CKAP5: variants seen among roughly 807,000 people sequenced by gnomAD.
CKAP5 encodes cytoskeleton associated protein 5.
CKAP5 carries 27 observed loss-of-function variants against 232.8 expected under a neutral mutation model. The ratio of observed to expected loss-of-function variants is 0.12; its 90% CI spans 0.09 to 0.16. CKAP5 has a LOEUF of 0.16. Ranked by LOEUF, CKAP5 falls within the 10% of genes least tolerant of loss-of-function variation. The pLI, the probability that CKAP5 is intolerant of heterozygous loss-of-function variation, is 1.00. For synonymous variants in CKAP5, 785 were observed against 841.1 expected (o/e 0.93, Z 1.16); for missense variants, 1,838 against 2,424.7 (o/e 0.76, Z 5.08).
At position 46,743,339 on chromosome 11, in the gene CKAP5, A is replaced by T. The variant is rs2064998741; in HGVS notation, c.*684T>A. ...GGATGAGATTTTTCTGCTCCCTAGG[A>T]GCTGTTTGTGGAGAGCAGGGAAGGA... is the stretch of plus-strand genomic sequence containing the variant. On this transcript the variant is annotated 3_prime_UTR_variant, in exon 44 of 44. Coordinates refer to ENST00000529230, the MANE Select transcript of CKAP5 (RefSeq NM_001008938.4). The T allele has an allele frequency of 6.6e-6, 1 of 152,162 alleles. No homozygotes were observed. Among genetic ancestry groups the T allele is most frequent in the African/African-American group, 2.4e-5 (1 of 41,428 alleles). 9.4% of individuals were successfully genotyped at this position (152,162 alleles called of 1,614,324 possible). A position where few individuals can be genotyped will look rare whatever the true frequency, so the allele number is the denominator to read the frequency against.
At chr11:46,836,676 G>C (rs1939925488) in intron 1 of CKAP5, among the ~76,000 whole-genome samples, 1 of 152,210 alleles carries the variant, frequency 6.6e-6, no homozygotes, top group Non-Finnish European at 1.5e-5. Context: ...TTGCTAATAG[G>C]AATGCAAAAT....
chr11:46,751,986 A>G (rs1486197501), intron 38 of CKAP5, among the ~76,000 whole-genome samples: 2 of 151,820 alleles, frequency 1.3e-5, no homozygotes, highest in Non-Finnish European at 2.9e-5. Context: ...AGGGCTGTAG[A>G]TATCTTTTTC....
At chr11:46,837,418 G>A (rs145174963) in intron 1 of CKAP5, among the ~76,000 whole-genome samples, 1 of 152,208 alleles carries the variant, frequency 6.6e-6, no homozygotes, top group African/African-American at 2.4e-5. Context: ...TTATAGATAT[G>A]TCTATATACA....
At chr11:46,744,398 G>C (rs1450219147) in intron 43 of CKAP5, 28 bp downstream of exon 43, 1 of 1,614,102 alleles carries the variant, frequency 6.2e-7, no homozygotes, top group Admixed American at 1.7e-5. Flanking sequence ...TACCCTCCCT[G>C]AACTGCACAG....
At chr11:46,759,898 T>C (rs2065141205) in intron 33 of CKAP5, among the ~76,000 whole-genome samples, 1 of 152,218 alleles carries the variant, frequency 6.6e-6, no homozygotes, top group Non-Finnish European at 1.5e-5. Context: ...CAGCACATTT[T>C]ATATTTTGTG....
At chr11:46,770,655 C>CT in intron 25 of CKAP5, 133 bp downstream of exon 25, 7 of 781,936 alleles carry the variant, frequency 9.0e-6, no homozygotes, top group Non-Finnish European at 1.4e-5. Flanking sequence ...TCTTGAACTC[C>CT]TGACCTCAGG....
At chr11:46,839,485 A>AT (rs1202006239) in intron 1 of CKAP5, among the ~76,000 whole-genome samples, 1 of 152,212 alleles carries the variant, frequency 6.6e-6, no homozygotes, top group Non-Finnish European at 1.5e-5. Flanking sequence ...TAAGAACTCA[A>AT]TTTTTATGCG....
chr11:46,838,869 A>T (rs543867438), intron 1 of CKAP5, among the ~76,000 whole-genome samples: 66 of 151,520 alleles, frequency 4.4e-4, no homozygotes, highest in African/African-American at 1.2e-3. Context: ...AAAATAAAAA[A>T]AAATAAATAA....
rs1432339470 is a variant in CKAP5 at position 46,760,799 on chromosome 11, A to G, written c.4222-15T>C. On this transcript the variant is annotated splice_polypyrimidine_tract_variant and intron_variant, in intron 32 of 43. Transcript: ENST00000529230. ...TTTTCAGAAAGCTGTAAAGAGGCCAAATTTAGAAACCTAACTGGATAACAC... is the reference window on the plus strand; with the variant it reads ...TTTTCAGAAAGCTGTAAAGAGGCCAGATTTAGAAACCTAACTGGATAACAC... 6.2e-7 allele frequency: 1 copy of G among 1,609,246 alleles called. No individual in the cohort carries two copies. Among genetic ancestry groups the G allele is most frequent in the Non-Finnish European group, 8.5e-7 (1 of 1,177,880 alleles).
chr11:46,794,081 AC>A (rs1165522191), intron 13 of CKAP5, among the ~76,000 whole-genome samples: 2 of 152,236 alleles, frequency 1.3e-5, no homozygotes, highest in African/African-American at 4.8e-5. Flanking sequence ...GAAGTTGGAC[AC>A]CGTATATAAA....
Position 46,776,348 on chromosome 11 carries a change from A to G in CKAP5, c.2898T>C (p.Asn966=). ...TCATGCCAGTCTGTTCTGCCCAAGC[A>G]TTCACAGTCGCTAGGGCAGCAGCTC... is the stretch of plus-strand genomic sequence containing the variant. ...NVRAAALATV[N]AWAEQTGMKE... is the part of the protein sequence containing the mutation. Residue 966 remains asparagine, a synonymous_variant, in exon 24 of 44, where the codon AAT becomes AAC. Transcript: ENST00000529230. 6.2e-7 allele frequency: 1 copy of G among 1,613,528 alleles called. No homozygotes were observed. The highest frequency in any genetic ancestry group is 8.5e-7 in the Non-Finnish European group (1 of 1,179,634).
chr11:46,790,003 C>T (rs1453680230), intron 15 of CKAP5, 73 bp downstream of exon 15: 3 of 969,612 alleles, frequency 3.1e-6, no homozygotes, highest in Non-Finnish European at 4.9e-6. Context: ...TAGGACAAAT[C>T]CTTCATTCAT....
At chr11:46,832,999 CTCCTG>C (rs528452666) in intron 1 of CKAP5, among the ~76,000 whole-genome samples, 275 of 151,954 alleles carry the variant, frequency 1.8e-3, no homozygotes, top group African/African-American at 6.4e-3. Flanking sequence ...TCACATTATT[CTCCTG>C]TCCTGACAAC....
intron 8 of CKAP5, among the ~76,000 whole-genome samples, chr11:46,807,825 CA>C (rs747917692): frequency 2.6e-5 from 4 of 152,100 alleles, no homozygotes; most frequent in Non-Finnish European, 5.9e-5. Context: ...TACCTAAAGT[CA>C]AAGTGACAAA....
At chr11:46,828,817 T>C (rs1462248450) in intron 1 of CKAP5, among the ~76,000 whole-genome samples, 2 of 152,016 alleles carry the variant, frequency 1.3e-5, no homozygotes, top group Non-Finnish European at 1.5e-5. Context: ...CATGAATTCA[T>C]AGAACCAGAA....
intron 36 of CKAP5, among the ~76,000 whole-genome samples, chr11:46,754,475 T>G (rs546505114): frequency 7.2e-5 from 11 of 152,304 alleles, no homozygotes; most frequent in Admixed American, 2.0e-4. Flanking sequence ...TTAACAAATT[T>G]TTTCCCTTTT....
chr11:46,782,860 A>G (rs1174436025), intron 18 of CKAP5, among the ~76,000 whole-genome samples: 1 of 152,248 alleles, frequency 6.6e-6, no homozygotes, highest in Non-Finnish European at 1.5e-5. Context: ...CGTGCTCTAT[A>G]AGCAAATAAG....
At chr11:46,824,289 T>C (rs1204415858) in intron 1 of CKAP5, among the ~76,000 whole-genome samples, 2 of 152,210 alleles carry the variant, frequency 1.3e-5, no homozygotes, top group Non-Finnish European at 2.9e-5. Context: ...ACAGCAGCAG[T>C]GTAATTTAAA....
chr11:46,842,966 C>CAAAA (rs60343444), intron 1 of CKAP5, among the ~76,000 whole-genome samples: 47 of 39,298 alleles, frequency 1.2e-3, no homozygotes, highest in Non-Finnish European at 1.5e-3. Context: ...GACTCCGTCT[C>CAAAA]AAAAAAAAAA....
Sources: allele counts gnomAD v4.1 joint callset (sites outside exome capture counted in the v4.1 genomes callset), GRCh38; gene constraint gnomAD v4.1.1; transcripts MANE v1.5; gene names NCBI Gene and HGNC (gene_info 2026-07-23, HGNC 2026-07-21).